The following PRPF31 variants were observed in gnomAD, a reference collection of about 807,000 sequenced individuals.
PRPF31 encodes the protein U4/U6 small nuclear ribonucleoprotein Prp31.
Under a neutral mutation model 60.4 loss-of-function variants are expected in PRPF31, and 12 were observed. That is an observed-to-expected ratio of 0.20 (90% CI 0.13 to 0.32). The LOEUF (loss-of-function observed/expected upper bound fraction) is 0.32. PRPF31 is among the 10% of genes least tolerant of loss of function. The probability of loss-of-function intolerance (pLI) is 1.00; values close to 1 mark genes in which losing one functional copy is unlikely to be tolerated. For synonymous variants in PRPF31, 287 were observed against 287.9 expected, an observed-to-expected ratio of 1.00 and a Z score of 0.03; for missense variants, 431 against 687.1, an observed-to-expected ratio of 0.63 and a Z score of 4.17.
rs150517943 is a variant in PRPF31, at chr19:54,122,628, C to T, written c.420+34C>T. 10,964 of 1,552,484 alleles carry T rather than the reference C, an allele frequency of 7.1e-3. 905 individuals are homozygous for T. In the Admixed American group the frequency reaches 0.16, roughly 22 times the overall value. ...AGAGAAGGTGGGGTGCTTCTGCTGG[C>T]GTGAAGGGGCAGGCGGGGCTCACTC... On this transcript the variant is annotated intron_variant, in intron 5 of 13. Coordinates refer to ENST00000321030, the MANE Select transcript of PRPF31 (RefSeq NM_015629.4).
chr19:54,120,686 C>G (rs1298910359), intron 3 of PRPF31, among the ~76,000 whole-genome samples: 2 of 152,224 alleles, frequency 1.3e-5, no homozygotes, highest in Non-Finnish European at 2.9e-5. Flanking sequence ...TCCCAGCTCA[C>G]TGCAGCCTTG....
intron 7 of PRPF31, 58 bp from the exon 8 acceptor site, chr19:54,124,441 C>T (rs759545394): frequency 7.0e-7 from 1 of 1,418,710 alleles, no homozygotes; most frequent in Non-Finnish European, 9.8e-7. Context: ...GATTTACTCA[C>T]CCCCACCTCT....
At chr19:54,116,579 A>G (rs1275037606) in intron 1 of PRPF31, among the ~76,000 whole-genome samples, 10 of 152,226 alleles carry the variant, frequency 6.6e-5, no homozygotes, top group African/African-American at 2.4e-4. Context: ...GGAAGGAGCA[A>G]AAATTGTTCG....
In PRPF31 at chr19:54,123,638, A is replaced by ACGCACACACACATACACACATG; in HGVS notation, c.527+80_528-88dup. ...TGGAGCTACACACGCAGGTGTACAC[A>ACGCACACACACATACACACATG]CGCACACACACATACACACATGCAC... On this transcript the variant is annotated intron_variant, in intron 6 of 13. Transcript: ENST00000321030. 10 of 1,597,168 alleles carry ACGCACACACACATACACACATG rather than the reference A, an allele frequency of 6.3e-6. No homozygotes were observed. In the South Asian group the frequency reaches 1.1e-4, roughly 18 times the overall value.
chr19:54,118,604 A>C lies in PRPF31; in HGVS notation c.209A>C (p.Tyr70Ser). 6.2e-7 allele frequency: 1 copy of C among 1,614,038 alleles called. No individual in the cohort carries two copies. The highest frequency in any genetic ancestry group is 1.1e-5 in the South Asian group (1 of 91,066). The part of the protein sequence containing the change: ...FAEIMMKIEE[Y>S]ISKQAKASEV... ...GAGATTATGATGAAGATTGAGGAGT[A>C]TATCAGCAAGCAAGCCAAAGCTTCA... is the stretch of plus-strand genomic sequence containing the variant. The change falls in exon 3 of 14, where the codon TAT becomes TCT. Residue 70 changes from tyrosine to serine, a missense_variant. Coordinates refer to ENST00000321030, the MANE Select transcript of PRPF31 (RefSeq NM_015629.4).
chr19:54,129,292 C>A lies in PRPF31; in HGVS notation c.1296C>A (p.Ser432Arg), dbSNP rs748076531. The A allele has an allele frequency of 6.2e-7, 1 of 1,611,338 alleles. No homozygotes were observed. Among genetic ancestry groups the A allele is most frequent in the South Asian group, 1.1e-5 (1 of 90,784 alleles). ...KTLQRTLQKQ[S>R]VVYGGKSTIR... is the part of the protein sequence containing the mutation. ...CACAGCGGACCCTGCAGAAGCAGAG[C>A]GTCGTATATGGCGGGAAGTCCACCA... Residue 432 changes from serine (S) to arginine (R), a missense_variant, in exon 13 of 14, where the codon AGC (serine) becomes AGA (arginine). Physicochemically the swap from Ser to Arg is moderately radical, Grantham distance 110. Transcript: ENST00000321030.
chr19:54,126,855 G>C (rs1033232517), intron 9 of PRPF31, among the ~76,000 whole-genome samples: 8 of 152,220 alleles, frequency 5.3e-5, no homozygotes, highest in Non-Finnish European at 1.5e-5. Context: ...GTGTGGCCGG[G>C]TGCAGTAGCT....
At chr19:54,122,163 G>A (rs1600336066) in intron 4 of PRPF31, 3 of 647,952 alleles carry the variant, frequency 4.6e-6, no homozygotes, top group Middle Eastern at 8.3e-4. Context: ...TGCCTGTAGG[G>A]CCCCGGCTCT....
At chr19:54,127,197 C>A (rs1600352786) in intron 9 of PRPF31, among the ~76,000 whole-genome samples, 1 of 152,178 alleles carries the variant, frequency 6.6e-6, no homozygotes, top group Non-Finnish European at 1.5e-5. Flanking sequence ...TTTCACTGGG[C>A]TGAAGTCAGG....
Position 54,118,459 on chromosome 19 carries a change from A to T in PRPF31, c.177+4A>T, listed in dbSNP as rs368136864. 4.6e-5 allele frequency: 74 copies of T among 1,614,048 alleles called. No homozygotes were observed. Among genetic ancestry groups the T allele is most frequent in the Non-Finnish European group, 1.8e-5 (21 of 1,180,012 alleles). ...CAAGCTATGGGATAGTAAGATGGTA[A>T]GAGGACAAGAGGTGTTCCTAGCAGG... On this transcript the variant is annotated splice_donor_region_variant and intron_variant, in intron 2 of 13. Coordinates refer to ENST00000321030, the MANE Select transcript of PRPF31 (RefSeq NM_015629.4).
At chr19:54,121,480 G>A (rs897990050) in intron 3 of PRPF31, among the ~76,000 whole-genome samples, 4 of 152,108 alleles carry the variant, frequency 2.6e-5, no homozygotes, top group African/African-American at 7.2e-5. Context: ...TGTGTGCCAG[G>A]TGCTGTCCTG....
intron 3 of PRPF31, among the ~76,000 whole-genome samples, 186 bp from the exon 4 acceptor site, chr19:54,121,674 A>C (rs1238011284): frequency 2.0e-5 from 3 of 152,080 alleles, no homozygotes; most frequent in Non-Finnish European, 4.4e-5. Flanking sequence ...ACTGGTGTGG[A>C]GGGAGAGGGA....
Position 54,127,983 on chromosome 19 carries a change from G to A in PRPF31, c.946-90G>A, listed in dbSNP as rs587671911. On this transcript the variant is annotated intron_variant, in intron 9 of 13. Transcript: ENST00000321030. ...AGCATTAGGTGCTGATTTAACTAAGGCACGTGGATACTCGGGGGGCCCGCT... is the reference window on the plus strand; with the variant it reads ...AGCATTAGGTGCTGATTTAACTAAGACACGTGGATACTCGGGGGGCCCGCT... 175 of 1,525,018 alleles carry A rather than the reference G, an allele frequency of 1.1e-4. No individual in the cohort carries two copies. The Middle Eastern group carries it at 1.2e-3, about 10-fold the overall frequency. 94.5% of individuals were successfully genotyped at this position (1,525,018 alleles called of 1,614,324 possible). A position where few individuals can be genotyped will look rare whatever the true frequency, so the allele number is the denominator to read the frequency against.
In PRPF31 at chr19:54,129,048, C is replaced by T. The variant is rs655240; in HGVS notation, c.1147-9C>T. On this transcript the variant is annotated splice_polypyrimidine_tract_variant and intron_variant, in intron 11 of 13. Transcript: ENST00000321030. ...CGCTGAACTGCAGGGCGCCTCCTCTCCCCCCTAGATCGAGGAGGACGCCTA... is the reference window on the plus strand; with the variant it reads ...CGCTGAACTGCAGGGCGCCTCCTCTTCCCCCTAGATCGAGGAGGACGCCTA... 0.16 allele frequency: 254,429 copies of T among 1,565,430 alleles called. 23,434 individuals carry two copies. Among genetic ancestry groups the T allele is most frequent in the Admixed American group, 0.34 (17,549 of 51,654 alleles).
Position 54,123,931 on chromosome 19 carries a change from G to A in PRPF31, c.697+13G>A. 6.2e-7 allele frequency: 1 copy of A among 1,613,130 alleles called. No individual in the cohort carries two copies. The highest frequency in any genetic ancestry group is 8.5e-7 in the Non-Finnish European group (1 of 1,180,016). On this transcript the variant is annotated intron_variant, in intron 7 of 13. Coordinates refer to ENST00000321030, the MANE Select transcript of PRPF31 (RefSeq NM_015629.4). ...GCCAAGATCATGGGTGAGTCCCCGG[G>A]CTGGGTCCCATGGAGCGGGGGTCTG...
At chr19:54,124,799 G>C in intron 8 of PRPF31, 143 bp downstream of exon 8, 1 of 1,001,022 alleles carries the variant, frequency 1.0e-6, no homozygotes, top group African/African-American at 1.6e-5. Context: ...GGACGTGAGA[G>C]CCAGGGCTCT....
At chr19:54,126,277 CGTT>C (rs113293600) in intron 8 of PRPF31, among the ~76,000 whole-genome samples, 4 of 152,336 alleles carry the variant, frequency 2.6e-5, no homozygotes, top group African/African-American at 4.8e-5. Context: ...CCACCGTCCT[CGTT>C]GTCAGCGTGC....
rs2074047847 is a variant in PRPF31, at chr19:54,131,546, TG to T, written c.*115del. 6.8e-7 allele frequency: 1 copy of T among 1,479,572 alleles called. No homozygotes were observed. The highest frequency in any genetic ancestry group is 1.4e-5 in the African/African-American group (1 of 71,658). 91.7% of individuals were successfully genotyped at this position (1,479,572 alleles called of 1,614,324 possible). A position where few individuals can be genotyped will look rare whatever the true frequency, so the allele number is the denominator to read the frequency against. On this transcript the variant is annotated 3_prime_UTR_variant, in exon 14 of 14. Coordinates refer to ENST00000321030, the MANE Select transcript of PRPF31 (RefSeq NM_015629.4). The stretch of plus-strand genomic sequence containing the variant: ...GAACCTGCCCTGCCACTGGCCCCAT[TG>T]CTGGGACTGCCCAGGGAGGAGGCCT...
intron 1 of PRPF31, among the ~76,000 whole-genome samples, chr19:54,116,924 GTC>G (rs1320284036): frequency 1.3e-5 from 2 of 152,108 alleles, no homozygotes; most frequent in Non-Finnish European, 2.9e-5. Flanking sequence ...GTGAGACCCT[GTC>G]TCTACAGAAA....
Sources: gnomAD v4.1 joint callset for allele counts (sites outside exome capture counted in the v4.1 genomes callset) on GRCh38, gnomAD v4.1.1 for gene constraint, MANE v1.5 for transcripts, NCBI Gene and HGNC (gene_info 2026-07-23, HGNC 2026-07-21) for gene names.